Variants in PAG1 observed in about 807,000 individuals in gnomAD.
PAG1 encodes the protein phosphoprotein membrane anchor with glycosphingolipid microdomains 1, also known as phosphoprotein associated with glycosphingolipid-enriched microdomains 1.
Under a neutral mutation model 31.7 loss-of-function variants are expected in PAG1, and 23 were observed. The observed-to-expected ratio is 0.73, with a 90% CI of 0.52 to 1.03. The LOEUF (loss-of-function observed/expected upper bound fraction) is 1.03. PAG1 is among the 50% of genes least tolerant of loss of function. PAG1 has a pLI of 0.00. For missense variants in PAG1, 473 were observed against 540.7 expected (o/e 0.87, Z 1.24); for synonymous variants, 214 against 210.3 (o/e 1.02, Z -0.15).
chr8:81,081,704 T>C (rs1809269054), intron 1 of PAG1, among the ~76,000 whole-genome samples: 1 of 152,196 alleles, frequency 6.6e-6, no homozygotes, highest in Non-Finnish European at 1.5e-5. Context: ...ATTGGGCTTA[T>C]TCACACAGCA....
In PAG1 at chr8:81,081,538, A is replaced by G. The variant is rs143851036; in HGVS notation, c.-233-11368T>C. Among the ~76,000 whole-genome samples, 155 of 152,228 alleles carry G rather than the reference A, an allele frequency of 1.0e-3. 1 individual carries two copies. Among genetic ancestry groups the G allele is most frequent in the Non-Finnish European group, 1.9e-3 (130 of 68,010 alleles). ...ATATAGAACATTTCCATCACCAAGT[A>G]TTACTCATGTTGCCCTTCTGTAGCC... On this transcript the variant is annotated intron_variant, in intron 1 of 8. Transcript: ENST00000220597.
intron 2 of PAG1, among the ~76,000 whole-genome samples, chr8:81,066,722 A>G (rs975246392): frequency 7.2e-5 from 11 of 152,222 alleles, no homozygotes; most frequent in African/African-American, 2.2e-4. Context: ...TGATATTTCA[A>G]AAGAGGAAAG....
chr8:81,038,174 G>A (rs1808493914), intron 2 of PAG1, among the ~76,000 whole-genome samples: 1 of 152,210 alleles, frequency 6.6e-6, no homozygotes, highest in South Asian at 2.1e-4. Flanking sequence ...ATGTCGGCGG[G>A]GAGGGGCAGG....
At chr8:81,043,562 CAATG>C (rs1226903540) in intron 2 of PAG1, among the ~76,000 whole-genome samples, 3 of 152,152 alleles carry the variant, frequency 2.0e-5, no homozygotes, top group African/African-American at 7.2e-5. Context: ...ATAGAACATT[CAATG>C]AATGGTGTGG....
chr8:81,078,771 G>C (rs1436516299), intron 1 of PAG1, among the ~76,000 whole-genome samples: 1 of 152,060 alleles, frequency 6.6e-6, no homozygotes. Context: ...TACACGATGA[G>C]GTAAATACTA....
intron 1 of PAG1, among the ~76,000 whole-genome samples, chr8:81,075,935 G>A (rs1436966747): frequency 6.6e-6 from 1 of 152,192 alleles, no homozygotes; most frequent in Non-Finnish European, 1.5e-5. Flanking sequence ...GCTTAGATGT[G>A]ACCATTTTCT....
chr8:81,086,558 GA>G lies in PAG1; in HGVS notation c.-233-16389del, dbSNP rs374181319. Among the ~76,000 whole-genome samples, 11 of 151,544 alleles carry G rather than the reference GA, an allele frequency of 7.3e-5. No individual in the cohort carries two copies. In the East Asian group the frequency reaches 1.9e-3, roughly 27 times the overall value. The stretch of plus-strand genomic sequence containing the variant: ...AAGGATGCAATAACAGGACATAAAA[GA>G]AAAAATATTTGAAACATATAGAAGT... On this transcript the variant is annotated intron_variant, in intron 1 of 8. Transcript: ENST00000220597.
chr8:81,110,243 A>G, intron 1 of PAG1, among the ~76,000 whole-genome samples: 1 of 152,356 alleles, frequency 6.6e-6, no homozygotes, highest in Middle Eastern at 3.4e-3. Flanking sequence ...ATGTATGTGT[A>G]TATATATTTA....
chr8:81,027,410 G>A (rs371960906), intron 3 of PAG1, among the ~76,000 whole-genome samples: 7 of 152,210 alleles, frequency 4.6e-5, no homozygotes, highest in South Asian at 4.1e-4. Context: ...CAGATAATAC[G>A]TGTGAATCAT....
chr8:81,025,975 C>T (rs72674029), intron 3 of PAG1, among the ~76,000 whole-genome samples: 7,450 of 152,124 alleles, frequency 0.049, 191 homozygotes, highest in East Asian at 0.097. Flanking sequence ...AGGAGACACC[C>T]GTGTTTAGAC....
At chr8:81,031,570 T>C (rs978304739) in intron 2 of PAG1, among the ~76,000 whole-genome samples, 1 of 152,258 alleles carries the variant, frequency 6.6e-6, no homozygotes, top group African/African-American at 2.4e-5. Context: ...GATTTAATTA[T>C]CTAAATCAAA....
chr8:81,021,072 G>T (rs143944453), intron 3 of PAG1, among the ~76,000 whole-genome samples: 473 of 152,396 alleles, frequency 3.1e-3, no homozygotes, highest in African/African-American at 0.011. Flanking sequence ...GCATCTGGAA[G>T]ATAACAGCAG....
At chr8:81,060,050 C>T (rs368077527) in intron 2 of PAG1, among the ~76,000 whole-genome samples, 45 of 151,678 alleles carry the variant, frequency 3.0e-4, no homozygotes, top group African/African-American at 1.1e-3. Context: ...TTTTTAACCC[C>T]CTGCCTCTGA....
At chr8:81,001,836 C>T (rs887715829) in intron 3 of PAG1, among the ~76,000 whole-genome samples, 1 of 152,190 alleles carries the variant, frequency 6.6e-6, no homozygotes, top group African/African-American at 2.4e-5. Flanking sequence ...GCCCAGCATG[C>T]TCTCAGCCCC....
intron 2 of PAG1, among the ~76,000 whole-genome samples, chr8:81,068,982 T>C (rs1407869417): frequency 2.0e-5 from 3 of 152,232 alleles, no homozygotes; most frequent in Non-Finnish European, 2.9e-5. Context: ...AGAAAATGTC[T>C]AATCCCTGAA....
At chr8:81,021,501 AGT>A (rs997644332) in intron 3 of PAG1, among the ~76,000 whole-genome samples, 4 of 100,476 alleles carry the variant, frequency 4.0e-5, no homozygotes, top group Admixed American at 1.2e-4. Flanking sequence ...CATTACTTCA[AGT>A]GTGTGTGTGT....
intron 7 of PAG1, among the ~76,000 whole-genome samples, chr8:80,984,427 G>A (rs1807371553): frequency 6.6e-6 from 1 of 152,086 alleles, no homozygotes; most frequent in South Asian, 2.1e-4. Context: ...TGCTGCTGAG[G>A]CAGCCAACAA....
intron 1 of PAG1, among the ~76,000 whole-genome samples, chr8:81,102,467 T>C (rs566077972): frequency 1.3e-5 from 2 of 152,248 alleles, no homozygotes; most frequent in Non-Finnish European, 2.9e-5. Context: ...AAGCTTGAAA[T>C]TGAGATTTAG....
chr8:81,043,251 T>C (rs1808585408), intron 2 of PAG1, among the ~76,000 whole-genome samples: 1 of 152,172 alleles, frequency 6.6e-6, no homozygotes. Context: ...CCAGTTTTGG[T>C]ATACTGCATG....
Sources: gnomAD v4.1 joint callset for allele counts (sites outside exome capture counted in the v4.1 genomes callset) on GRCh38, gnomAD v4.1.1 for gene constraint, MANE v1.5 for transcripts, NCBI Gene and HGNC (gene_info 2026-07-23, HGNC 2026-07-21) for gene names.